Variants in VSIG10 observed in about 807,000 individuals in gnomAD.
The protein encoded by VSIG10 is V-set and immunoglobulin domain containing 10, also known as V-set and immunoglobulin domain-containing protein 10.
Under a neutral mutation model 58.7 loss-of-function variants are expected in VSIG10, and 48 were observed. The observed-to-expected ratio is 0.82, with a 90% CI of 0.65 to 1.04. The LOEUF is 1.04. VSIG10 is among the 50% of genes least tolerant of loss of function. The pLI is 0.00. For synonymous variants in VSIG10, 260 were observed against 267.1 expected, an observed-to-expected ratio of 0.97 and a Z score of 0.26; for missense variants, 628 against 670.0, an observed-to-expected ratio of 0.94 and a Z score of 0.69.
At chr12:118,068,675 T>C (rs1332371587) in intron 7 of VSIG10, 78 bp from the exon 8 acceptor site, 1 of 1,436,260 alleles carries the variant, frequency 7.0e-7, no homozygotes, top group East Asian at 2.5e-5. Flanking sequence ...TAGGAAACAC[T>C]AGATTCTTTG....
At chr12:118,087,837 CAAAAA>C (rs10654315) in intron 2 of VSIG10, among the ~76,000 whole-genome samples, 7 of 62,608 alleles carry the variant, frequency 1.1e-4, no homozygotes, top group Non-Finnish European at 6.2e-5. Context: ...GATCCTGTCT[CAAAAA>C]AAAAAAAAAA....
intron 2 of VSIG10, among the ~76,000 whole-genome samples, chr12:118,094,687 G>A (rs763952472): frequency 9.3e-5 from 14 of 150,554 alleles, no homozygotes; most frequent in Non-Finnish European, 2.1e-4. Context: ...CTGGCCTAAC[G>A]CACTTTATAA....
Position 118,066,529 on chromosome 12 carries a change from G to T in VSIG10, c.*110C>A. On this transcript the variant is annotated 3_prime_UTR_variant, in exon 9 of 9. Transcript: ENST00000359236. ...TTTTGCTGAGACCCAAACATTGTTAGTGCAAGCCCCCGCCAGGGGTGCAGG... is the reference window on the plus strand; with the variant it reads ...TTTTGCTGAGACCCAAACATTGTTATTGCAAGCCCCCGCCAGGGGTGCAGG... The T allele has an allele frequency of 8.2e-7, 1 of 1,214,014 alleles. No individual in the cohort carries two copies. The highest frequency in any genetic ancestry group is 1.2e-6 in the Non-Finnish European group (1 of 819,522). The allele number at this position is 1,214,014 out of a possible 1,614,324, so 75.2% of individuals were successfully genotyped here.
chr12:118,068,023 CTTTTT>C (rs371999216), intron 8 of VSIG10, among the ~76,000 whole-genome samples: 2 of 85,500 alleles, frequency 2.3e-5, no homozygotes, highest in East Asian at 3.6e-4. Flanking sequence ...GGTTTGTGGG[CTTTTT>C]TTTTTTTTTT....
chr12:118,103,462 T>A, intron 1 of VSIG10, 131 bp downstream of exon 1: 1 of 956,306 alleles, frequency 1.0e-6, no homozygotes, highest in Admixed American at 4.0e-5. Flanking sequence ...ACCAAGACCC[T>A]CCTGGGGCAG....
In VSIG10 at chr12:118,095,934, T is replaced by G. The variant is rs535757875; in HGVS notation, c.80-120A>C. 7.5e-5 allele frequency: 100 copies of G among 1,324,582 alleles called. No individual in the cohort carries two copies. The African/African-American group carries it at 1.3e-3, about 18-fold the overall frequency. The allele number at this position is 1,324,582 out of a possible 1,614,324, so 82.1% of individuals were successfully genotyped here. A position where few individuals can be genotyped will look rare whatever the true frequency, so the allele number is the denominator to read the frequency against. ...ATCAGGTATATGTTCTTTTTTTTTT[T>G]TTTTTTTTTGAGACGGAGTCCCACT... On this transcript the variant is annotated intron_variant, in intron 1 of 8. Transcript: ENST00000359236.
At chr12:118,069,388 C>T (rs1017179931) in intron 7 of VSIG10, among the ~76,000 whole-genome samples, 29 of 150,954 alleles carry the variant, frequency 1.9e-4, no homozygotes, top group African/African-American at 4.1e-4. Flanking sequence ...CTGTTGTGCC[C>T]GGCCTGGACT....
intron 2 of VSIG10, among the ~76,000 whole-genome samples, chr12:118,087,069 TAAAAATTGA>T (rs1489862374): frequency 1.4e-5 from 2 of 138,418 alleles, no homozygotes; most frequent in African/African-American, 5.4e-5. Context: ...AGCCTAAATT[TAAAAATTGA>T]AAAAAAAAAA....
At chr12:118,096,461 C>A (rs1370343004) in intron 1 of VSIG10, among the ~76,000 whole-genome samples, 1 of 151,768 alleles carries the variant, frequency 6.6e-6, no homozygotes, top group Non-Finnish European at 1.5e-5. Context: ...GCCTGTAATC[C>A]CAGCTACTAG....
At chr12:118,085,327 C>G (rs2033089039) in intron 2 of VSIG10, among the ~76,000 whole-genome samples, 1 of 152,150 alleles carries the variant, frequency 6.6e-6, no homozygotes, top group Non-Finnish European at 1.5e-5. Context: ...TCCCCATCCC[C>G]CAAACCCAAC....
chr12:118,075,118 A>G (rs1279460501), intron 4 of VSIG10, among the ~76,000 whole-genome samples: 2 of 147,778 alleles, frequency 1.4e-5, no homozygotes, highest in African/African-American at 2.5e-5. Flanking sequence ...GTGTATATGT[A>G]TATATATGTG....
chr12:118,077,844 C>A (rs1353212119), intron 4 of VSIG10, among the ~76,000 whole-genome samples: 4 of 152,104 alleles, frequency 2.6e-5, no homozygotes, highest in African/African-American at 9.7e-5. Flanking sequence ...TGATTTCAGC[C>A]CCGCAACCTT....
rs1349333357 is a variant in VSIG10, at chr12:118,103,706, C to T, written c.-35G>A. 4.8e-6 allele frequency: 7 copies of T among 1,460,330 alleles called. No individual in the cohort carries two copies. The African/African-American group carries it at 5.9e-5, about 12-fold the overall frequency. 90.5% of individuals were successfully genotyped at this position (1,460,330 alleles called of 1,614,324 possible). A position where few individuals can be genotyped will look rare whatever the true frequency, so the allele number is the denominator to read the frequency against. The stretch of plus-strand genomic sequence containing the variant: ...GATCCCGGCTCAGGAAACGCAGGCT[C>T]GGGCTGGGCTGGACGTGTGTGCCCC... On this transcript the variant is annotated 5_prime_UTR_variant, in exon 1 of 9. Transcript: ENST00000359236.
chr12:118,082,238 A>G lies in VSIG10; in HGVS notation c.553T>C (p.Phe185Leu). Reference sequence around the variant, plus strand: ...GGCGATATCAGTAACAGTGAGAAAAAGTTGACTGTCAGGTTGTGGCCAAAG... The same window carrying G: ...GGCGATATCAGTAACAGTGAGAAAAGGTTGACTGTCAGGTTGTGGCCAAAG... Reference protein sequence around the residue: ...ESFGHNLTVNFFSLLLISPNL... With the variant: ...ESFGHNLTVNLFSLLLISPNL... The change falls in exon 3 of 9, where the codon TTT (phenylalanine) becomes CTT (leucine). Residue 185 changes from phenylalanine to leucine, a missense_variant. Phe to Leu is a conservative substitution (Grantham distance 22, BLOSUM62 0). Coordinates refer to ENST00000359236, the MANE Select transcript of VSIG10 (RefSeq NM_019086.6). 3 of 1,613,944 alleles carry G rather than the reference A, an allele frequency of 1.9e-6. No homozygotes were observed. In the South Asian group the frequency reaches 3.3e-5, roughly 18 times the overall value.
rs187331393 is a variant in VSIG10 at position 118,088,592 on chromosome 12, A to T, written c.362-6163T>A. On this transcript the variant is annotated intron_variant, in intron 2 of 8. Transcript: ENST00000359236. ...GAATCAAACCTAATCTATTTTCCTA[A>T]ATCTACGCAAAAATGAGGGCCAACT... Among the ~76,000 whole-genome samples the T allele has an allele frequency of 6.2e-4, 95 of 152,216 alleles. 2 individuals carry two copies. Among genetic ancestry groups the T allele is most frequent in the Non-Finnish European group, 1.2e-3 (82 of 68,024 alleles).
intron 2 of VSIG10, among the ~76,000 whole-genome samples, chr12:118,092,036 G>A (rs1233119481): frequency 1.3e-5 from 2 of 151,882 alleles, no homozygotes; most frequent in Non-Finnish European, 2.9e-5. Context: ...GATTACAGGC[G>A]TGAGCCACCA....
rs528606624 is a variant in VSIG10 at position 118,064,090 on chromosome 12, C to T, written c.*2549G>A. 9 of 152,336 alleles carry T rather than the reference C, an allele frequency of 5.9e-5. No homozygotes were observed. The highest frequency in any genetic ancestry group is 1.2e-4 in the Non-Finnish European group (8 of 68,024). 9.4% of individuals were successfully genotyped at this position (152,336 alleles called of 1,614,324 possible). On this transcript the variant is annotated 3_prime_UTR_variant, in exon 9 of 9. Transcript: ENST00000359236. The stretch of plus-strand genomic sequence containing the variant: ...TTTTTTTTAAAGCACAGTGTAACAA[C>T]TTGGACTTTGCCACACAAACTGTAA...
At chr12:118,074,073 G>A in intron 4 of VSIG10, 81 bp from the exon 5 acceptor site, 1 of 1,324,724 alleles carries the variant, frequency 7.5e-7, no homozygotes, top group Non-Finnish European at 1.0e-6. Flanking sequence ...AACTGCAGTA[G>A]TTTTTTGTTT....
intron 1 of VSIG10, chr12:118,102,891 A>G (rs1044480322): frequency 3.3e-5 from 5 of 152,194 alleles, no homozygotes; most frequent in African/African-American, 1.2e-4. Flanking sequence ...TCAAATATAT[A>G]TAAATAGTTC....
Sources: gnomAD v4.1 joint callset for allele counts (sites outside exome capture counted in the v4.1 genomes callset) on GRCh38, gnomAD v4.1.1 for gene constraint, MANE v1.5 for transcripts, NCBI Gene and HGNC (gene_info 2026-07-23, HGNC 2026-07-21) for gene names.